The following STAMBPL1 variants were observed in gnomAD, a reference collection of about 807,000 sequenced individuals.
STAMBPL1 encodes the protein STAM binding protein like 1.
Under a neutral mutation model 52.9 loss-of-function variants are expected in STAMBPL1, and 44 were observed. The observed-to-expected ratio is 0.83, with a 90% CI of 0.65 to 1.07. The LOEUF (loss-of-function observed/expected upper bound fraction) is 1.07, where lower values mean the gene tolerates loss of function less well. Ranked by LOEUF, STAMBPL1 falls within the 50% of genes least tolerant of loss-of-function variation. STAMBPL1 has a pLI of 0.00. For synonymous variants in STAMBPL1, 164 were observed against 177.3 expected (o/e 0.92, Z 0.60); for missense variants, 511 against 520.8 (o/e 0.98, Z 0.18).
At chr10:88,900,379 G>A (rs1427685834) in intron 1 of STAMBPL1, among the ~76,000 whole-genome samples, 3 of 152,184 alleles carry the variant, frequency 2.0e-5, no homozygotes, top group African/African-American at 7.2e-5. Flanking sequence ...GTGGAAAGTG[G>A]TGATACAGAG....
At position 88,905,518 on chromosome 10, in the gene STAMBPL1, C is replaced by T. The variant is rs772567388; in HGVS notation, c.106C>T (p.Leu36Phe). The T allele has an allele frequency of 1.1e-5, 17 of 1,614,004 alleles. No individual in the cohort carries two copies. The highest frequency in any genetic ancestry group is 1.4e-5 in the Non-Finnish European group (16 of 1,180,006). Reference protein sequence around the residue: ...PEERVRALSKLGCNITISEDI... With the variant: ...PEERVRALSKFGCNITISEDI... ...AGAGCGAGTCCGTGCCCTAAGCAAGCTTGGTTGTAATATCACCATCAGTGA... is the reference window on the plus strand; with the variant it reads ...AGAGCGAGTCCGTGCCCTAAGCAAGTTTGGTTGTAATATCACCATCAGTGA... The change falls in exon 3 of 11, where the codon CTT becomes TTT. Residue 36 changes from leucine (L) to phenylalanine (F), a missense_variant. This residue lies in a region of STAMBPL1 where 358 missense variants were observed against 343.5 expected (regional missense o/e 1.04). Transcript: ENST00000371926.
chr10:88,881,020 G>T (rs745992844), intron 1 of STAMBPL1, among the ~76,000 whole-genome samples: 25 of 152,010 alleles, frequency 1.6e-4, no homozygotes, highest in Non-Finnish European at 3.2e-4. Context: ...TCGACCTTGG[G>T]AGAGACCACT....
chr10:88,901,413 G>T (rs1032849108), intron 1 of STAMBPL1: 5 of 283,412 alleles, frequency 1.8e-5, no homozygotes, highest in Admixed American at 5.2e-5. Context: ...TTCATACTGG[G>T]TGTCAGTCAA....
chr10:88,880,691 C>A (rs562449843), intron 1 of STAMBPL1, 53 bp downstream of exon 1: 3 of 152,374 alleles, frequency 2.0e-5, no homozygotes, highest in South Asian at 2.1e-4. Context: ...CGGGGAAGTG[C>A]GCACGGCGGG....
chr10:88,896,713 T>C (rs1844819105), intron 1 of STAMBPL1, among the ~76,000 whole-genome samples: 2 of 152,110 alleles, frequency 1.3e-5, no homozygotes, highest in African/African-American at 4.8e-5. Flanking sequence ...CGCTGGCTGT[T>C]TACTGTATGC....
chr10:88,902,917 C>T (rs1395158033), intron 2 of STAMBPL1, among the ~76,000 whole-genome samples: 2 of 152,098 alleles, frequency 1.3e-5, no homozygotes, highest in Non-Finnish European at 2.9e-5. Flanking sequence ...AATTAGTTGT[C>T]TTCAGAGTAT....
intron 1 of STAMBPL1, among the ~76,000 whole-genome samples, chr10:88,898,590 G>T (rs1844867832): frequency 6.6e-6 from 1 of 152,184 alleles, no homozygotes; most frequent in Non-Finnish European, 1.5e-5. Context: ...GATTTGAGGG[G>T]AGTTGGCTTC....
intron 1 of STAMBPL1, among the ~76,000 whole-genome samples, chr10:88,899,072 C>T (rs960312062): frequency 9.9e-5 from 15 of 152,238 alleles, no homozygotes; most frequent in African/African-American, 2.7e-4. Flanking sequence ...GAGGTGTTTT[C>T]ACCAGACCAA....
chr10:88,904,169 G>C (rs1309685032), intron 2 of STAMBPL1, among the ~76,000 whole-genome samples: 1 of 152,186 alleles, frequency 6.6e-6, no homozygotes, highest in Non-Finnish European at 1.5e-5. Flanking sequence ...AGGCGGCCTT[G>C]AGAAGCTAAA....
chr10:88,913,370 T>C lies in STAMBPL1; in HGVS notation c.690T>C (p.Pro230=), dbSNP rs1172317944. 2.5e-6 allele frequency: 4 copies of C among 1,613,728 alleles called. No homozygotes were observed. The African/African-American group carries it at 5.3e-5, about 22-fold the overall frequency. ...NSLLNVFADQ[P]NKSDATNYAS... ...TGCTGAATGTATTTGCAGATCAACC[T>C]AATAAAAGTGATGCAACCAATTATG... The change falls in exon 6 of 11, where the codon CCT becomes CCC. Residue 230 remains proline (P), a synonymous_variant. Transcript: ENST00000371926.
At chr10:88,885,755 G>A (rs977595724) in intron 1 of STAMBPL1, among the ~76,000 whole-genome samples, 2 of 152,168 alleles carry the variant, frequency 1.3e-5, no homozygotes, top group African/African-American at 4.8e-5. Flanking sequence ...AAGTAATTAT[G>A]TCTAATTATA....
At chr10:88,918,961 C>T (rs758819534) in intron 8 of STAMBPL1, among the ~76,000 whole-genome samples, 2 of 152,058 alleles carry the variant, frequency 1.3e-5, no homozygotes, top group Admixed American at 6.6e-5. Flanking sequence ...CTCATTTCAC[C>T]GTATCAAATT....
intron 3 of STAMBPL1, among the ~76,000 whole-genome samples, 156 bp from the exon 4 acceptor site, chr10:88,908,546 C>A (rs1277402033): frequency 6.6e-6 from 1 of 152,042 alleles, no homozygotes; most frequent in Non-Finnish European, 1.5e-5. Context: ...AATACTCATG[C>A]CAGACTTTAG....
intron 2 of STAMBPL1, among the ~76,000 whole-genome samples, chr10:88,902,392 A>C (rs1199574750): frequency 6.6e-6 from 1 of 152,064 alleles, no homozygotes; most frequent in Non-Finnish European, 1.5e-5. Flanking sequence ...CGATAAATGG[A>C]AACTGTCATT....
intron 1 of STAMBPL1, among the ~76,000 whole-genome samples, chr10:88,896,296 A>G (rs1172632597): frequency 6.6e-6 from 1 of 152,204 alleles, no homozygotes; most frequent in Admixed American, 6.5e-5. Flanking sequence ...CAAAAGGGAC[A>G]TGAAGGGTGG....
In STAMBPL1 at chr10:88,913,378, G is replaced by A. The variant is rs910048104; in HGVS notation, c.698G>A (p.Ser233Asn). 2.5e-6 allele frequency: 4 copies of A among 1,613,788 alleles called. No individual in the cohort carries two copies. Among genetic ancestry groups the A allele is most frequent in the Middle Eastern group, 1.7e-4 (1 of 6,052 alleles). ...GTATTTGCAGATCAACCTAATAAAA[G>A]TGATGCAACCAATTATGCTAGCCAC... ...LNVFADQPNK[S>N]DATNYASHSP... The change falls in exon 6 of 11, where the codon AGT (serine) becomes AAT (asparagine). Residue 233 changes from serine to asparagine, a missense_variant. By Grantham distance (46) the Ser-to-Asn change is conservative. Transcript: ENST00000371926.
At chr10:88,905,284 G>A (rs904376452) in intron 2 of STAMBPL1, among the ~76,000 whole-genome samples, 159 bp from the exon 3 acceptor site, 2 of 152,102 alleles carry the variant, frequency 1.3e-5, no homozygotes, top group Non-Finnish European at 2.9e-5. Flanking sequence ...GCATGTTTAA[G>A]CAAAAATGCT....
intron 1 of STAMBPL1, among the ~76,000 whole-genome samples, chr10:88,888,393 G>C (rs1844592339): frequency 6.6e-6 from 1 of 152,124 alleles, no homozygotes; most frequent in African/African-American, 2.4e-5. Flanking sequence ...AGAAACAGAG[G>C]ATCAAGGAAC....
chr10:88,899,791 T>C (rs998166692), intron 1 of STAMBPL1, among the ~76,000 whole-genome samples: 2 of 152,224 alleles, frequency 1.3e-5, no homozygotes, highest in Non-Finnish European at 2.9e-5. Flanking sequence ...ATTACAGGCG[T>C]GAATCACTGT....
Sources: gnomAD v4.1 joint callset for allele counts (sites outside exome capture counted in the v4.1 genomes callset) on GRCh38, gnomAD v4.1.1 for gene constraint, gnomAD v4.1.1 regional missense constraint, MANE v1.5 for transcripts, NCBI Gene and HGNC (gene_info 2026-07-23, HGNC 2026-07-21) for gene names.